Variants in NGF observed in about 807,000 individuals in gnomAD.
NGF encodes the protein beta-nerve growth factor.
Under a neutral mutation model 12.8 loss-of-function variants are expected in NGF, and 4 were observed. That is an observed-to-expected ratio of 0.31 (90% confidence interval 0.15 to 0.72). The LOEUF is 0.72. Ranked by LOEUF, NGF falls within the 30% of genes least tolerant of loss-of-function variation. The pLI is 0.69. For synonymous variants in NGF, 140 were observed against 130.0 expected, an observed-to-expected ratio of 1.08 and a Z score of -0.52; for missense variants, 283 against 330.8, an observed-to-expected ratio of 0.86 and a Z score of 1.12.
chr1:115,304,591 G>A (rs577899403), intron 1 of NGF, among the ~76,000 whole-genome samples: 1 of 152,116 alleles, frequency 6.6e-6, no homozygotes, highest in East Asian at 1.9e-4. Flanking sequence ...AGACCATGTT[G>A]AGTTTTTCAA....
At chr1:115,305,936 G>A (rs1489550795) in intron 1 of NGF, among the ~76,000 whole-genome samples, 2 of 152,174 alleles carry the variant, frequency 1.3e-5, no homozygotes, top group African/African-American at 4.8e-5. Context: ...TTTTGGGTGT[G>A]AATACCAAGC....
At chr1:115,290,173 T>C (rs1653638680) in intron 2 of NGF, among the ~76,000 whole-genome samples, 1 of 152,008 alleles carries the variant, frequency 6.6e-6, no homozygotes, top group Admixed American at 6.6e-5. Context: ...GCATTCCGAG[T>C]GCACAAAACT....
chr1:115,317,683 C>T (rs760419905), intron 1 of NGF, among the ~76,000 whole-genome samples: 14 of 152,088 alleles, frequency 9.2e-5, no homozygotes, highest in Middle Eastern at 3.2e-3. Flanking sequence ...TAAGAAGTTG[C>T]GGCCAAGCTA....
chr1:115,312,813 AAAG>A (rs1455141572), intron 1 of NGF, among the ~76,000 whole-genome samples: 1 of 152,308 alleles, frequency 6.6e-6, no homozygotes, highest in East Asian at 1.9e-4. Flanking sequence ...GGGTTAGTAA[AAAG>A]AAGATTCCAT....
At chr1:115,318,529 T>C (rs1454916815) in intron 1 of NGF, among the ~76,000 whole-genome samples, 1 of 152,128 alleles carries the variant, frequency 6.6e-6, no homozygotes, top group Non-Finnish European at 1.5e-5. Context: ...GGGGCAAAAC[T>C]TCTCTGCAAA....
At chr1:115,333,706 TTTCTTTC>T (rs1395996389) in intron 1 of NGF, among the ~76,000 whole-genome samples, 2 of 52,928 alleles carry the variant, frequency 3.8e-5, no homozygotes, top group Non-Finnish European at 6.5e-5. Flanking sequence ...TCTTTCTTTC[TTTCTTTC>T]TTTTCTTTCT....
intron 1 of NGF, among the ~76,000 whole-genome samples, chr1:115,313,110 G>A (rs11466083): frequency 1.3e-5 from 2 of 152,178 alleles, no homozygotes; most frequent in Non-Finnish European, 1.5e-5. Flanking sequence ...ATTTTATAGA[G>A]AGAGGAAAAA....
At chr1:115,333,499 T>TACA (rs1654980946) in intron 1 of NGF, among the ~76,000 whole-genome samples, 1 of 76,594 alleles carries the variant, frequency 1.3e-5, no homozygotes, top group Non-Finnish European at 2.6e-5. Flanking sequence ...ATAGTACTAC[T>TACA]AAAAAAAAAA....
chr1:115,309,585 TC>T (rs1285757979), intron 1 of NGF, among the ~76,000 whole-genome samples: 1 of 152,134 alleles, frequency 6.6e-6, no homozygotes, highest in African/African-American at 2.4e-5. Flanking sequence ...GGCTCCTGAC[TC>T]CCTGAAAGGC....
intron 1 of NGF, among the ~76,000 whole-genome samples, chr1:115,326,471 G>A (rs77979528): frequency 0.093 from 14,196 of 152,042 alleles, 788 homozygotes; most frequent in East Asian, 0.25. Context: ...TGAAAATGAG[G>A]GCACTATAGC....
intron 1 of NGF, among the ~76,000 whole-genome samples, chr1:115,333,706 TTTCTTTCTTTTCTTTCTTTCC>T (rs1296677105): frequency 9.4e-5 from 5 of 52,924 alleles, no homozygotes; most frequent in African/African-American, 5.7e-4. Context: ...TCTTTCTTTC[TTTCTTTCTTTTCTTTCTTTCC>T]TTCTTTCTTT....
chr1:115,291,946 T>C (rs901543623), intron 2 of NGF, among the ~76,000 whole-genome samples: 1 of 152,042 alleles, frequency 6.6e-6, no homozygotes, highest in Admixed American at 6.6e-5. Context: ...AGAGATGGGA[T>C]ACGTGAACCA....
At chr1:115,327,405 T>A (rs1424183818) in intron 1 of NGF, among the ~76,000 whole-genome samples, 1 of 152,218 alleles carries the variant, frequency 6.6e-6, no homozygotes, top group African/African-American at 2.4e-5. Context: ...TTCTTTCATT[T>A]CCAAGACACA....
chr1:115,285,934 T>C lies in NGF; in HGVS notation c.*136A>G. The C allele has an allele frequency of 7.8e-7, 1 of 1,280,668 alleles. No homozygotes were observed. The highest frequency in any genetic ancestry group is 1.0e-6 in the Non-Finnish European group (1 of 961,590). The allele number at this position is 1,280,668 out of a possible 1,614,324, so 79.3% of individuals were successfully genotyped here. ...ACACAGGATGCTTCCAAAAATTTAA[T>C]AAATAATGATTCTTTAAAACTGTAT... On this transcript the variant is annotated 3_prime_UTR_variant, in exon 3 of 3. Transcript: ENST00000369512.
At chr1:115,305,334 G>A (rs967878260) in intron 1 of NGF, among the ~76,000 whole-genome samples, 4 of 152,168 alleles carry the variant, frequency 2.6e-5, no homozygotes, top group African/African-American at 7.2e-5. Flanking sequence ...GAAGTAGAAG[G>A]TCACACTGTT....
intron 1 of NGF, among the ~76,000 whole-genome samples, chr1:115,299,918 C>T (rs1397477780): frequency 6.6e-6 from 1 of 152,132 alleles, no homozygotes; most frequent in Admixed American, 6.6e-5. Context: ...CTCATATAAT[C>T]ATAACAGCAC....
rs1653773643 is a variant in NGF, at chr1:115,293,591, GGACCTTGGCAAGGCCA to G, written c.-13+20_-13+35del. On this transcript the variant is annotated intron_variant, in intron 2 of 2. Coordinates refer to ENST00000369512, the MANE Select transcript of NGF (RefSeq NM_002506.3). ...CCTGCTTCTGGCAGCTGCAGAGGGA[GGACCTTGGCAAGGCCA>G]AGGTCCCTTAGGCACTTACCTCAGT... 6.5e-6 allele frequency: 1 copy of G among 152,724 alleles called. No homozygotes were observed. Among genetic ancestry groups the G allele is most frequent in the Admixed American group, 6.5e-5 (1 of 15,286 alleles). 9.5% of individuals were successfully genotyped at this position (152,724 alleles called of 1,614,324 possible). A position where few individuals can be genotyped will look rare whatever the true frequency, so the allele number is the denominator to read the frequency against.
chr1:115,321,700 C>T (rs947027346), intron 1 of NGF, among the ~76,000 whole-genome samples: 1 of 150,314 alleles, frequency 6.7e-6, no homozygotes, highest in Non-Finnish European at 1.5e-5. Flanking sequence ...TTTTCATTTC[C>T]TTTTCATGTC....
intron 1 of NGF, among the ~76,000 whole-genome samples, chr1:115,337,559 G>C (rs1244936642): frequency 3.9e-5 from 6 of 152,108 alleles, no homozygotes; most frequent in Non-Finnish European, 7.4e-5. Context: ...CGGCTCCGTG[G>C]AGGGCCCCGG....
Sources: gnomAD v4.1 joint callset for allele counts (sites outside exome capture counted in the v4.1 genomes callset) on GRCh38, gnomAD v4.1.1 for gene constraint, MANE v1.5 for transcripts, NCBI Gene and HGNC (gene_info 2026-07-23, HGNC 2026-07-21) for gene names.